Variants in GIN1 observed in about 807,000 individuals in gnomAD.
GIN1 encodes the protein gypsy retrotransposon integrase-like protein 1.
GIN1 carries 41 observed loss-of-function variants against 51.4 expected under a neutral mutation model. The ratio of observed to expected loss-of-function variants is 0.80; its 90% CI spans 0.62 to 1.04. The LOEUF is 1.04. Among genes scored for constraint, GIN1 ranks in the 50% least tolerant of loss-of-function variants. The probability of loss-of-function intolerance (pLI) is 0.00; values close to 1 mark genes in which losing one functional copy is unlikely to be tolerated. For synonymous variants in GIN1, 222 were observed against 206.5 expected (o/e 1.07, Z -0.64); for missense variants, 610 against 612.4 (o/e 1.00, Z 0.04).
chr5:103,111,094 G>A (rs1278600811), intron 1 of GIN1, among the ~76,000 whole-genome samples: 1 of 151,720 alleles, frequency 6.6e-6, no homozygotes, highest in Non-Finnish European at 1.5e-5. Flanking sequence ...GCCTTGTGTC[G>A]TTTCAAGTTG....
intron 4 of GIN1, among the ~76,000 whole-genome samples, chr5:103,103,956 AT>A (rs781932834): frequency 1.3e-5 from 2 of 150,954 alleles, no homozygotes; most frequent in Non-Finnish European, 3.0e-5. Context: ...CACCTGGCTA[AT>A]TTTTTTTTCT....
chr5:103,114,421 AAG>A (rs1787970804), intron 1 of GIN1, among the ~76,000 whole-genome samples: 1 of 152,222 alleles, frequency 6.6e-6, no homozygotes, highest in South Asian at 2.1e-4. Flanking sequence ...AGTAAACACA[AAG>A]AAGAATCTGG....
intron 7 of GIN1, among the ~76,000 whole-genome samples, chr5:103,090,735 C>A (rs555442406): frequency 1.3e-5 from 2 of 152,148 alleles, no homozygotes; most frequent in African/African-American, 4.8e-5. Context: ...GAAAAATATG[C>A]CTAGATGTAA....
intron 4 of GIN1, chr5:103,102,134 TA>T (rs1344178129): frequency 1.3e-5 from 2 of 152,232 alleles, no homozygotes; most frequent in Non-Finnish European, 2.9e-5. Context: ...ATGTCAAATA[TA>T]TTTTTTTCTG....
intron 1 of GIN1, among the ~76,000 whole-genome samples, chr5:103,116,917 C>T (rs916523652): frequency 6.6e-6 from 1 of 151,948 alleles, no homozygotes; most frequent in African/African-American, 2.4e-5. Flanking sequence ...CCTAACAATG[C>T]TAGGTACTAC....
chr5:103,097,843 TA>T, intron 4 of GIN1, 62 bp from the exon 5 acceptor site: 49 of 699,810 alleles, frequency 7.0e-5, no homozygotes, highest in Admixed American at 8.0e-5. Context: ...TCCATTGACT[TA>T]AAAAAAAGCT....
chr5:103,105,276 C>T (rs544672209), intron 3 of GIN1, among the ~76,000 whole-genome samples: 1 of 152,218 alleles, frequency 6.6e-6, no homozygotes, highest in Admixed American at 6.5e-5. Flanking sequence ...TGGAACCAAT[C>T]CCTTGCATAT....
intron 4 of GIN1, among the ~76,000 whole-genome samples, chr5:103,098,965 A>C (rs1235353869): frequency 6.6e-6 from 1 of 152,186 alleles, no homozygotes; most frequent in African/African-American, 2.4e-5. Flanking sequence ...ATTAAATATA[A>C]AATAATATTT....
rs1554196135 is a variant in GIN1, at chr5:103,104,859, C to T, written c.334-13G>A. 26 of 1,510,244 alleles carry T rather than the reference C, an allele frequency of 1.7e-5. No individual in the cohort carries two copies. The highest frequency in any genetic ancestry group is 2.3e-5 in the Non-Finnish European group (26 of 1,110,118). The allele number at this position is 1,510,244 out of a possible 1,614,324, so 93.6% of individuals were successfully genotyped here. On this transcript the variant is annotated splice_polypyrimidine_tract_variant and intron_variant, in intron 3 of 7. Transcript: ENST00000399004. ...GACAAGCATATACCTACAACAGGCACACAATAAAGAAAACACATACAAATG... is the reference window on the plus strand; with the variant it reads ...GACAAGCATATACCTACAACAGGCATACAATAAAGAAAACACATACAAATG...
chr5:103,117,300 T>C (rs1364650453), intron 1 of GIN1, among the ~76,000 whole-genome samples: 2 of 152,088 alleles, frequency 1.3e-5, no homozygotes, highest in Non-Finnish European at 2.9e-5. Flanking sequence ...GGCTATATAT[T>C]TTATATTTCT....
chr5:103,116,580 G>A (rs1177618323), intron 1 of GIN1, among the ~76,000 whole-genome samples: 1 of 151,906 alleles, frequency 6.6e-6, no homozygotes, highest in Admixed American at 6.6e-5. Flanking sequence ...TTCCCAGACA[G>A]CAAAGAAAAA....
intron 1 of GIN1, among the ~76,000 whole-genome samples, chr5:103,118,331 C>G (rs1181735812): frequency 6.7e-6 from 1 of 150,008 alleles, no homozygotes; most frequent in Non-Finnish European, 1.5e-5. Flanking sequence ...GATTAAAAGT[C>G]CTTTGTATAT....
chr5:103,119,197 A>G (rs1459151883), intron 1 of GIN1, among the ~76,000 whole-genome samples: 1 of 152,232 alleles, frequency 6.6e-6, no homozygotes. Context: ...AGGGTTAAAA[A>G]CAAAGCCACC....
At chr5:103,089,906 C>T (rs1440870218) in intron 7 of GIN1, among the ~76,000 whole-genome samples, 1 of 152,142 alleles carries the variant, frequency 6.6e-6, no homozygotes, top group Non-Finnish European at 1.5e-5. Context: ...CAAAGCTATT[C>T]TCTCTACCAA....
chr5:103,101,327 T>C lies in GIN1; in HGVS notation c.639+3214A>G, dbSNP rs566025101. Among the ~76,000 whole-genome samples, 6 of 152,360 alleles carry C rather than the reference T, an allele frequency of 3.9e-5. No individual in the cohort carries two copies. In the South Asian group the frequency reaches 1.0e-3, roughly 26 times the overall value. ...CCCAGTTGGACAGAGCAGGACAGCA[T>C]GAGATTTTATCACTATACGCAGAAT... On this transcript the variant is annotated intron_variant, in intron 4 of 7. Coordinates refer to ENST00000399004, the MANE Select transcript of GIN1 (RefSeq NM_017676.2).
chr5:103,116,675 T>C (rs1788040090), intron 1 of GIN1, among the ~76,000 whole-genome samples: 1 of 152,042 alleles, frequency 6.6e-6, no homozygotes, highest in Non-Finnish European at 1.5e-5. Flanking sequence ...ATAAAATATC[T>C]GCAATACATA....
chr5:103,099,985 T>C (rs782371098), intron 4 of GIN1, among the ~76,000 whole-genome samples: 1 of 152,234 alleles, frequency 6.6e-6, no homozygotes, highest in Non-Finnish European at 1.5e-5. Context: ...TTCTGTGTAA[T>C]AGTGAAGCCA....
intron 1 of GIN1, among the ~76,000 whole-genome samples, chr5:103,112,955 T>A (rs367543986): frequency 6.6e-6 from 1 of 151,794 alleles, no homozygotes; most frequent in East Asian, 1.9e-4. Flanking sequence ...CAGTTTAGAG[T>A]GGTGTTTTAA....
intron 7 of GIN1, 78 bp downstream of exon 7, chr5:103,096,463 G>T: frequency 9.7e-7 from 1 of 1,027,702 alleles, no homozygotes; most frequent in Non-Finnish European, 1.4e-6. Context: ...AACAAAAGAG[G>T]GGAGAAAGGT....
Sources: gnomAD v4.1 joint callset for allele counts (sites outside exome capture counted in the v4.1 genomes callset) on GRCh38, gnomAD v4.1.1 for gene constraint, MANE v1.5 for transcripts, NCBI Gene and HGNC (gene_info 2026-07-23, HGNC 2026-07-21) for gene names.